The following DOCK5 variants were observed in gnomAD, a reference collection of about 807,000 sequenced individuals.
DOCK5 encodes the protein dedicator of cytokinesis protein 5.
DOCK5 carries 142 observed loss-of-function variants against 251.8 expected under a neutral mutation model. That is an observed-to-expected ratio of 0.56 (90% CI 0.49 to 0.65). The LOEUF is 0.65. Ranked by LOEUF, DOCK5 falls within the 30% of genes least tolerant of loss-of-function variation. The probability of loss-of-function intolerance (pLI) is 0.00; values close to 1 mark genes in which losing one functional copy is unlikely to be tolerated. For missense variants in DOCK5, 2,111 were observed against 2,312.3 expected (o/e 0.91, Z 1.79); for synonymous variants, 842 against 835.5 (o/e 1.01, Z -0.13).
At chr8:25,324,722 C>G (rs1378220632) in intron 17 of DOCK5, among the ~76,000 whole-genome samples, 2 of 152,036 alleles carry the variant, frequency 1.3e-5, no homozygotes, top group African/African-American at 4.8e-5. Flanking sequence ...TATACATGTG[C>G]CATGTTGGTG....
At chr8:25,226,657 C>T (rs890118257) in intron 1 of DOCK5, among the ~76,000 whole-genome samples, 8 of 151,420 alleles carry the variant, frequency 5.3e-5, no homozygotes, top group African/African-American at 1.5e-4. Context: ...GTGATCTCAG[C>T]TCCCTGCAAG....
intron 2 of DOCK5, among the ~76,000 whole-genome samples, chr8:25,264,835 AAAC>A (rs374875758): frequency 3.5e-5 from 5 of 142,292 alleles, no homozygotes; most frequent in South Asian, 4.3e-4. Flanking sequence ...AAAAAACAAA[AAAC>A]AACAACAACA....
rs1340299089 is a variant in DOCK5, at chr8:25,342,385, G to A, written c.2511-16G>A. 6.4e-7 allele frequency: 1 copy of A among 1,566,076 alleles called. No individual in the cohort carries two copies. The highest frequency in any genetic ancestry group is 8.7e-7 in the Non-Finnish European group (1 of 1,152,284). Reference sequence around the variant, plus strand: ...GCAGAACGAAGACACTACTAACCCTGAGGTTTCTCTCCCAGCGTGCTCTTC... The same window carrying A: ...GCAGAACGAAGACACTACTAACCCTAAGGTTTCTCTCCCAGCGTGCTCTTC... On this transcript the variant is annotated splice_polypyrimidine_tract_variant and intron_variant, in intron 24 of 51. Transcript: ENST00000276440.
At chr8:25,210,708 G>A (rs1262051037) in intron 1 of DOCK5, among the ~76,000 whole-genome samples, 1 of 70,878 alleles carries the variant, frequency 1.4e-5, no homozygotes, top group African/African-American at 3.2e-5. Flanking sequence ...AGGTTGCAGT[G>A]AGCTGAGGTG....
chr8:25,383,478 T>TTG (rs1232735808), intron 40 of DOCK5, among the ~76,000 whole-genome samples: 1 of 152,216 alleles, frequency 6.6e-6, no homozygotes, highest in Non-Finnish European at 1.5e-5. Flanking sequence ...ATCTTGCTGA[T>TTG]TACAGTCAAA....
chr8:25,410,970 T>TGTGTGTGTGG (rs1801617337), intron 51 of DOCK5, among the ~76,000 whole-genome samples: 1 of 18,610 alleles, frequency 5.4e-5, no homozygotes, highest in South Asian at 2.0e-3. Context: ...TGTGTGTGTG[T>TGTGTGTGTGG]GTGCGCGCGC....
At chr8:25,306,386 A>C (rs1416491620) in intron 11 of DOCK5, among the ~76,000 whole-genome samples, 2 of 152,176 alleles carry the variant, frequency 1.3e-5, no homozygotes, top group East Asian at 3.8e-4. Context: ...ATAATATATA[A>C]ATATGTTTAA....
At chr8:25,392,908 G>T in intron 44 of DOCK5, 26 bp downstream of exon 44, 1 of 1,560,752 alleles carries the variant, frequency 6.4e-7, no homozygotes, top group Non-Finnish European at 8.8e-7. Flanking sequence ...TTGGCATTTA[G>T]AAAAAAACTT....
chr8:25,332,512 C>A, intron 19 of DOCK5, 91 bp from the exon 20 acceptor site: 1 of 1,252,882 alleles, frequency 8.0e-7, no homozygotes, highest in Non-Finnish European at 1.1e-6. Context: ...TATTTTAAAC[C>A]TCTTTGATTT....
At chr8:25,410,710 A>ACC (rs1038105639) in intron 51 of DOCK5, among the ~76,000 whole-genome samples, 1 of 125,952 alleles carries the variant, frequency 7.9e-6, no homozygotes, top group Non-Finnish European at 1.6e-5. Context: ...GATCCCCCCC[A>ACC]CCCACCTCAG....
intron 1 of DOCK5, among the ~76,000 whole-genome samples, chr8:25,232,602 T>G (rs1162167076): frequency 2.0e-5 from 3 of 152,176 alleles, no homozygotes; most frequent in Non-Finnish European, 4.4e-5. Flanking sequence ...CTTATCACTG[T>G]GTCCTTGCAT....
chr8:25,189,235 C>A (rs1801515697), intron 1 of DOCK5, among the ~76,000 whole-genome samples: 1 of 152,056 alleles, frequency 6.6e-6, no homozygotes, highest in East Asian at 1.9e-4. Flanking sequence ...TTAAAATAAT[C>A]ATTTTAAAGA....
In DOCK5 at chr8:25,332,290, A is replaced by G; in HGVS notation, c.1943A>G (p.Gln648Arg). 1 of 1,613,652 alleles carries G rather than the reference A, an allele frequency of 6.2e-7. No homozygotes were observed. The highest frequency in any genetic ancestry group is 1.1e-5 in the South Asian group (1 of 91,072). ...TTGTTAAATTGGCGTTCCAACTCCC[A>G]GAACATTAAACACAACCTAAAGAAG... is the stretch of plus-strand genomic sequence containing the variant. ...LGLLNWRSNS[Q>R]NIKHNLKKLM... Residue 648 changes from glutamine (Q) to arginine (R), a missense_variant, in exon 19 of 52, where the codon CAG becomes CGG. This residue lies in a region of DOCK5 where 1,717 missense variants were observed against 1,892.4 expected (regional missense o/e 0.91). Transcript: ENST00000276440.
intron 3 of DOCK5, among the ~76,000 whole-genome samples, chr8:25,272,433 G>A (rs1426426330): frequency 2.6e-5 from 4 of 152,178 alleles, no homozygotes; most frequent in African/African-American, 4.8e-5. Flanking sequence ...CTGCATTTAT[G>A]TTTCTGAATA....
chr8:25,249,951 T>C (rs1803225021), intron 2 of DOCK5, among the ~76,000 whole-genome samples: 1 of 152,244 alleles, frequency 6.6e-6, no homozygotes, highest in African/African-American at 2.4e-5. Context: ...GTAGGTACAT[T>C]ATATTTTATT....
Position 25,341,689 on chromosome 8 carries a change from G to A in DOCK5, c.2440-50G>A, listed in dbSNP as rs200681641. The A allele has an allele frequency of 4.2e-4, 622 of 1,470,368 alleles. 3 individuals carry two copies. In the Middle Eastern group the frequency reaches 5.1e-3, roughly 12 times the overall value. 91.1% of individuals were successfully genotyped at this position (1,470,368 alleles called of 1,614,324 possible). The stretch of plus-strand genomic sequence containing the variant: ...TTCCTGGGATCAAGCAGTAAATACT[G>A]TATTTGTCTTGCCTGGCAACTGAAT... On this transcript the variant is annotated intron_variant, in intron 23 of 51. Coordinates refer to ENST00000276440, the MANE Select transcript of DOCK5 (RefSeq NM_024940.8).
intron 1 of DOCK5, among the ~76,000 whole-genome samples, chr8:25,215,786 A>G (rs1802228061): frequency 6.6e-6 from 1 of 152,064 alleles, no homozygotes; most frequent in Admixed American, 6.6e-5. Context: ...TCCTATTACA[A>G]TAATAACAGA....
intron 1 of DOCK5, among the ~76,000 whole-genome samples, chr8:25,222,527 C>T (rs1244944763): frequency 2.0e-5 from 3 of 152,154 alleles, no homozygotes; most frequent in African/African-American, 7.2e-5. Context: ...CACAGGAGTT[C>T]CATGAGAATA....
chr8:25,363,544 A>G (rs1563216829), intron 29 of DOCK5, among the ~76,000 whole-genome samples: 3 of 152,356 alleles, frequency 2.0e-5, no homozygotes, highest in East Asian at 1.9e-4. Context: ...TCCATTTTCT[A>G]TTAATGTGAA....
Sources: allele counts gnomAD v4.1 joint callset (sites outside exome capture counted in the v4.1 genomes callset), GRCh38; gene constraint gnomAD v4.1.1; regional missense constraint gnomAD v4.1.1; transcripts MANE v1.5; gene names NCBI Gene and HGNC (gene_info 2026-07-23, HGNC 2026-07-21).